WWP2: variants seen among roughly 807,000 people sequenced by gnomAD.
WWP2 encodes the protein NEDD4-like E3 ubiquitin-protein ligase WWP2.
In WWP2, 57 loss-of-function variants were observed where a neutral mutation model predicts 121.0. The observed-to-expected ratio is 0.47, with a 90% CI of 0.38 to 0.59. The LOEUF (loss-of-function observed/expected upper bound fraction) is 0.59. Among genes scored for constraint, WWP2 ranks in the 20% least tolerant of loss-of-function variants. The pLI, the probability that WWP2 is intolerant of heterozygous loss-of-function variation, is 0.00. For synonymous variants in WWP2, 449 were observed against 441.3 expected, an observed-to-expected ratio of 1.02 and a Z score of -0.22; for missense variants, 962 against 1,158.9, an observed-to-expected ratio of 0.83 and a Z score of 2.47.
intron 9 of WWP2, chr16:69,909,849 A>G (rs2058353907): frequency 5.0e-6 from 2 of 398,906 alleles, no homozygotes; most frequent in Non-Finnish European, 6.8e-6. Flanking sequence ...AGCTTCAAAA[A>G]TTATCAACTC....
At chr16:69,772,419 G>T (rs924851786) in intron 1 of WWP2, among the ~76,000 whole-genome samples, 1 of 152,128 alleles carries the variant, frequency 6.6e-6, no homozygotes, top group African/African-American at 2.4e-5. Flanking sequence ...AAAACTGGGG[G>T]TTAGTCTGGG....
In WWP2 at chr16:69,816,121, G is replaced by GC. The variant is rs1456991460; in HGVS notation, c.340+16826_340+16827insC. On this transcript the variant is annotated intron_variant, in intron 4 of 23. Transcript: ENST00000359154. ...TAACCCAGTCCTGCATACCCAGTTA[G>GC]TTTTTTCAACCTGGTAAACCACTAT... is the stretch of plus-strand genomic sequence containing the variant. 3.3e-5 allele frequency among the ~76,000 whole-genome samples: 5 copies of GC among 152,218 alleles called. No homozygotes were observed. In the East Asian group the frequency reaches 9.6e-4, roughly 29 times the overall value.
intron 1 of WWP2, among the ~76,000 whole-genome samples, chr16:69,769,998 G>A (rs2055382830): frequency 6.6e-6 from 1 of 151,806 alleles, no homozygotes; most frequent in Non-Finnish European, 1.5e-5. Context: ...AGTAGCTGGG[G>A]CTACAGGCAC....
intron 4 of WWP2, 132 bp from the exon 5 acceptor site, chr16:69,839,994 C>T (rs544720599): frequency 1.3e-4 from 177 of 1,322,342 alleles, no homozygotes; most frequent in Non-Finnish European, 1.7e-4. Flanking sequence ...TGCCACGAGG[C>T]AAAATGTGAA....
At chr16:69,884,072 A>G (rs919993953) in intron 7 of WWP2, among the ~76,000 whole-genome samples, 1 of 152,174 alleles carries the variant, frequency 6.6e-6, no homozygotes, top group African/African-American at 2.4e-5. Context: ...TCCAAGGCCC[A>G]CTGTTGTGTT....
chr16:69,848,298 A>G (rs532300763), intron 6 of WWP2, among the ~76,000 whole-genome samples: 14 of 152,122 alleles, frequency 9.2e-5, no homozygotes, highest in Admixed American at 3.9e-4. Flanking sequence ...TAAAAATACA[A>G]AGTTAGCCAG....
At chr16:69,877,729 GGAGAGA>G (rs145236505) in intron 7 of WWP2, among the ~76,000 whole-genome samples, 3 of 150,586 alleles carry the variant, frequency 2.0e-5, no homozygotes, top group Admixed American at 6.6e-5. Context: ...TAGGGTATAA[GGAGAGA>G]GAGAGAGAGA....
rs545118129 is a variant in WWP2 at position 69,934,054 on chromosome 16, G to A, written c.1767G>A (p.Leu589=). The part of the protein sequence containing the change: ...FEYAGKNNYC[L]QINPASSINP... The stretch of plus-strand genomic sequence containing the variant: ...ATGCCGGAAAGAACAATTACTGCCT[G>A]CAGATCAACCCCGCCTCCTCCATCA... Residue 589 remains leucine (L), a synonymous_variant, in exon 17 of 24, where the codon CTG becomes CTA. Coordinates refer to ENST00000359154, the MANE Select transcript of WWP2 (RefSeq NM_001270454.2). 29 of 1,614,160 alleles carry A rather than the reference G, an allele frequency of 1.8e-5. No individual in the cohort carries two copies. The highest frequency in any genetic ancestry group is 2.3e-5 in the Non-Finnish European group (27 of 1,180,020).
intron 7 of WWP2, among the ~76,000 whole-genome samples, chr16:69,878,504 T>G (rs1383509538): frequency 6.6e-6 from 1 of 152,214 alleles, no homozygotes; most frequent in Non-Finnish European, 1.5e-5. Context: ...CATGAATATA[T>G]ACATTTTTCA....
intron 7 of WWP2, among the ~76,000 whole-genome samples, chr16:69,885,769 A>T (rs531263989): frequency 1.3e-5 from 2 of 152,290 alleles, no homozygotes; most frequent in Non-Finnish European, 2.9e-5. Context: ...TTAAGTGGGG[A>T]TATCAATTGT....
At chr16:69,802,258 A>C (rs1426198060) in intron 4 of WWP2, among the ~76,000 whole-genome samples, 1 of 152,166 alleles carries the variant, frequency 6.6e-6, no homozygotes, top group East Asian at 1.9e-4. Context: ...TAAAATACAC[A>C]TGATGTAAAA....
intron 9 of WWP2, 116 bp from the exon 10 acceptor site, chr16:69,917,593 C>T: frequency 7.8e-7 from 1 of 1,275,952 alleles, no homozygotes; most frequent in Middle Eastern, 2.4e-4. Context: ...CAGCTAAGCC[C>T]CAGCAACCTC....
At chr16:69,790,235 G>T (rs1023845098) in intron 2 of WWP2, among the ~76,000 whole-genome samples, 1 of 152,016 alleles carries the variant, frequency 6.6e-6, no homozygotes, top group Non-Finnish European at 1.5e-5. Context: ...CAACAAGAAC[G>T]AAATTCTATC....
intron 1 of WWP2, among the ~76,000 whole-genome samples, chr16:69,778,090 T>TAC (rs1555544372): frequency 2.2e-3 from 242 of 108,870 alleles, no homozygotes; most frequent in Middle Eastern, 0.013. Context: ...TATATATATA[T>TAC]ACACACACAC....
intron 8 of WWP2, among the ~76,000 whole-genome samples, chr16:69,899,661 G>T (rs1466200569): frequency 7.4e-5 from 11 of 147,802 alleles, no homozygotes; most frequent in Non-Finnish European, 1.0e-4. Context: ...CCCGGGAGGC[G>T]GAGGTTGCAG....
chr16:69,833,575 C>T (rs1027325159), intron 4 of WWP2, among the ~76,000 whole-genome samples: 4 of 152,192 alleles, frequency 2.6e-5, no homozygotes, highest in South Asian at 2.1e-4. Context: ...TGCTGTCTGT[C>T]GACCTCCATA....
chr16:69,873,901 T>C (rs1317987972), intron 7 of WWP2, among the ~76,000 whole-genome samples: 3 of 152,268 alleles, frequency 2.0e-5, no homozygotes, highest in African/African-American at 7.2e-5. Context: ...GACATTTCAA[T>C]AGAGCTATAT....
At chr16:69,807,194 C>T (rs1307097801) in intron 4 of WWP2, among the ~76,000 whole-genome samples, 1 of 151,940 alleles carries the variant, frequency 6.6e-6, no homozygotes, top group Non-Finnish European at 1.5e-5. Context: ...CGTCACCATG[C>T]CCGGCTAATT....
intron 1 of WWP2, among the ~76,000 whole-genome samples, chr16:69,775,453 C>G (rs1174557204): frequency 1.3e-5 from 2 of 152,178 alleles, no homozygotes; most frequent in Non-Finnish European, 2.9e-5. Flanking sequence ...ATGAGCCCAT[C>G]AAGGCATTCT....
Sources: gnomAD v4.1 joint callset for allele counts (sites outside exome capture counted in the v4.1 genomes callset) on GRCh38, gnomAD v4.1.1 for gene constraint, MANE v1.5 for transcripts, NCBI Gene and HGNC (gene_info 2026-07-23, HGNC 2026-07-21) for gene names.